NHLH1: variants seen among roughly 807,000 people sequenced by gnomAD.
NHLH1 encodes nescient helix-loop-helix 1, also known as helix-loop-helix protein 1.
A neutral mutation model predicts 6.7 loss-of-function variants in NHLH1; 3 were observed. The ratio of observed to expected loss-of-function variants is 0.44; its 90% CI spans 0.20 to 1.15. The LOEUF (loss-of-function observed/expected upper bound fraction) is 1.15, where lower values mean the gene tolerates loss of function less well. NHLH1 is among the 50% of genes most tolerant of loss of function. The pLI, the probability that NHLH1 is intolerant of heterozygous loss-of-function variation, is 0.26. For missense variants in NHLH1, 177 were observed against 189.5 expected, an observed-to-expected ratio of 0.93 and a Z score of 0.39; for synonymous variants, 92 against 84.2, an observed-to-expected ratio of 1.09 and a Z score of -0.51.
intron 1 of NHLH1, among the ~76,000 whole-genome samples, chr1:160,368,100 A>G (rs867441383): frequency 4.6e-5 from 7 of 152,000 alleles, no homozygotes; most frequent in East Asian, 1.9e-4. Context: ...ACTTGAACCT[A>G]TCTTCTGTGT....
Position 160,370,572 on chromosome 1 carries a change from C to G in NHLH1, c.-160C>G, listed in dbSNP as rs1366879249. On this transcript the variant is annotated 5_prime_UTR_variant, in exon 2 of 2. Transcript: ENST00000302101. ...TCTTTTTCAGGCTTCAGACTGGCAC[C>G]CTGACCATGGAACCCTGAAGTGGCA... 1 of 652,900 alleles carries G rather than the reference C, an allele frequency of 1.5e-6. No individual in the cohort carries two copies. Among genetic ancestry groups the G allele is most frequent in the Non-Finnish European group, 2.7e-6 (1 of 375,840 alleles). The allele number at this position is 652,900 out of a possible 1,614,324, so 40.4% of individuals were successfully genotyped here. A position where few individuals can be genotyped will look rare whatever the true frequency, so the allele number is the denominator to read the frequency against.
Sources: allele counts gnomAD v4.1 joint callset (sites outside exome capture counted in the v4.1 genomes callset), GRCh38; gene constraint gnomAD v4.1.1; transcripts MANE v1.5; gene names NCBI Gene and HGNC (gene_info 2026-07-23, HGNC 2026-07-21).